Variants in AKR1B1 observed in about 807,000 individuals in gnomAD.
AKR1B1 encodes the protein aldo-keto reductase family 1 member B.
In AKR1B1, 22 loss-of-function variants were observed where a neutral mutation model predicts 40.4. The observed-to-expected ratio is 0.54, with a 90% CI of 0.39 to 0.78. The LOEUF (loss-of-function observed/expected upper bound fraction) is 0.78, where lower values mean the gene tolerates loss of function less well. Among genes scored for constraint, AKR1B1 ranks in the 30% least tolerant of loss-of-function variants. The pLI is 0.00. For synonymous variants in AKR1B1, 157 were observed against 149.9 expected (o/e 1.05, Z -0.35); for missense variants, 357 against 396.7 (o/e 0.90, Z 0.85).
intron 1 of AKR1B1, among the ~76,000 whole-genome samples, chr7:134,452,487 T>C (rs943743423): frequency 1.1e-4 from 17 of 152,160 alleles, no homozygotes; most frequent in African/African-American, 4.1e-4. Flanking sequence ...AATGACTGAA[T>C]GGGTGTCCAT....
rs147442012 is a variant in AKR1B1 at position 134,447,320 on chromosome 7, T to C, written c.803A>G (p.Glu268Gly). ...TACCTTAAAGTTCTCAGCAATGCGT[T>C]CTGGTGTCACAGACTTGGGGATCAC... is the stretch of plus-strand genomic sequence containing the variant. ...LVVIPKSVTP[E>G]RIAENFKVFD... Residue 268 changes from glutamate (E) to glycine (G), a missense_variant, in exon 8 of 10, where the codon GAA (glutamate) becomes GGA (glycine). Coordinates refer to ENST00000285930, the MANE Select transcript of AKR1B1 (RefSeq NM_001628.4). 2.6e-5 allele frequency: 42 copies of C among 1,614,122 alleles called. No individual in the cohort carries two copies. The African/African-American group carries it at 4.4e-4, about 17-fold the overall frequency.
At chr7:134,452,105 A>C (rs774211088) in intron 1 of AKR1B1, among the ~76,000 whole-genome samples, 5 of 152,226 alleles carry the variant, frequency 3.3e-5, no homozygotes, top group Non-Finnish European at 5.9e-5. Flanking sequence ...TGAGATAGTA[A>C]GGGAAACCAT....
rs759446303 is a variant in AKR1B1, at chr7:134,449,813, AAAAC to A, written c.352-20_352-17del. 10 of 1,608,234 alleles carry A rather than the reference AAAAC, an allele frequency of 6.2e-6. No homozygotes were observed. Among genetic ancestry groups the A allele is most frequent in the Admixed American group, 1.7e-5 (1 of 60,012 alleles). ...CCTTCCCAGGCTGTCATTACAATAA[AAAAC>A]AAACAAACAAAACAATCAGTAATAG... On this transcript the variant is annotated splice_polypyrimidine_tract_variant and intron_variant, in intron 3 of 9. Coordinates refer to ENST00000285930, the MANE Select transcript of AKR1B1 (RefSeq NM_001628.4).
chr7:134,451,208 C>T (rs371898403), intron 2 of AKR1B1: 7 of 544,172 alleles, frequency 1.3e-5, no homozygotes, highest in East Asian at 1.0e-4. Flanking sequence ...TGGAGCCAGC[C>T]CCATCCTCCT....
intron 4 of AKR1B1, chr7:134,449,456 G>A (rs574674524): frequency 7.2e-5 from 41 of 571,156 alleles, no homozygotes; most frequent in South Asian, 1.0e-4. Flanking sequence ...GCGTGGTGGC[G>A]GGCACCTGTA....
intron 9 of AKR1B1, 105 bp downstream of exon 9, chr7:134,445,133 C>T (rs1806054781): frequency 1.0e-6 from 1 of 1,002,072 alleles, no homozygotes. Context: ...GCAAGAACAG[C>T]TGTGACGAGA....
At chr7:134,458,001 A>G (rs775474145) in intron 1 of AKR1B1, among the ~76,000 whole-genome samples, 3 of 152,162 alleles carry the variant, frequency 2.0e-5, no homozygotes, top group Admixed American at 6.5e-5. Flanking sequence ...TCACAAACAA[A>G]CAAGCAAACA....
rs969178429 is a variant in AKR1B1, at chr7:134,448,140, C to T, written c.660-79G>A. On this transcript the variant is annotated intron_variant, in intron 6 of 9. Coordinates refer to ENST00000285930, the MANE Select transcript of AKR1B1 (RefSeq NM_001628.4). ...GCCAGAAACCCCAACCCTAATCCTC[C>T]CATCGACCTCAGAGGGCAGCCACCA... is the stretch of plus-strand genomic sequence containing the variant. The T allele has an allele frequency of 2.4e-5, 30 of 1,243,718 alleles. No individual in the cohort carries two copies. The African/African-American group carries it at 3.0e-4, about 12-fold the overall frequency. 77.0% of individuals were successfully genotyped at this position (1,243,718 alleles called of 1,614,324 possible). A position where few individuals can be genotyped will look rare whatever the true frequency, so the allele number is the denominator to read the frequency against.
chr7:134,442,520 A>C lies in AKR1B1; in HGVS notation c.*208T>G. The C allele has an allele frequency of 7.1e-6, 4 of 561,562 alleles. No individual in the cohort carries two copies. The highest frequency in any genetic ancestry group is 1.3e-5 in the Non-Finnish European group (4 of 311,908). 34.8% of individuals were successfully genotyped at this position (561,562 alleles called of 1,614,324 possible). ...GGTTGTACTTTCCCCAGCAGGGTAG[A>C]AAGAAGGGCAAAGCAAACTGGAAGA... On this transcript the variant is annotated 3_prime_UTR_variant, in exon 10 of 10. Coordinates refer to ENST00000285930, the MANE Select transcript of AKR1B1 (RefSeq NM_001628.4).
chr7:134,447,271 G>A (rs781007800), intron 8 of AKR1B1, 27 bp downstream of exon 8: 6 of 1,602,664 alleles, frequency 3.7e-6, no homozygotes, highest in South Asian at 1.1e-5. Context: ...ATGGAGGAGG[G>A]CCAGGCCTGA....
In AKR1B1 at chr7:134,450,583, G is replaced by T. The variant is rs187044908; in HGVS notation, c.351+203C>A. Among the ~76,000 whole-genome samples the T allele has an allele frequency of 1.1e-4, 16 of 152,340 alleles. No individual in the cohort carries two copies. In the East Asian group the frequency reaches 2.9e-3, roughly 28 times the overall value. ...AGTGTGCGTATGAGTCACTGCTGGT[G>T]CGGATTCAAATGGCCTGCGTGGGGC... is the stretch of plus-strand genomic sequence containing the variant. On this transcript the variant is annotated intron_variant, in intron 3 of 9. Coordinates refer to ENST00000285930, the MANE Select transcript of AKR1B1 (RefSeq NM_001628.4).
intron 7 of AKR1B1, 197 bp from the exon 8 acceptor site, chr7:134,447,578 C>T (rs111774570): frequency 3.2e-5 from 21 of 663,472 alleles, no homozygotes; most frequent in South Asian, 1.5e-4. Context: ...CAGAGTCCTG[C>T]GCTAGCCACT....
chr7:134,445,694 AAATAACT>A (rs1806070861), intron 8 of AKR1B1, among the ~76,000 whole-genome samples: 1 of 152,252 alleles, frequency 6.6e-6, no homozygotes, highest in African/African-American at 2.4e-5. Flanking sequence ...ACTGTAATAC[AAATAACT>A]AATCACACAC....
intron 7 of AKR1B1, chr7:134,447,750 C>A (rs1204072983): frequency 3.1e-6 from 2 of 640,826 alleles, no homozygotes; most frequent in African/African-American, 1.8e-5. Flanking sequence ...AAGCGCTGGC[C>A]CTCGTGGCAG....
At chr7:134,455,571 G>A (rs748545817) in intron 1 of AKR1B1, among the ~76,000 whole-genome samples, 1 of 152,068 alleles carries the variant, frequency 6.6e-6, no homozygotes, top group Non-Finnish European at 1.5e-5. Flanking sequence ...TGCTGTGATG[G>A]GTTTTTGTTG....
At chr7:134,451,236 C>A in intron 2 of AKR1B1, 1 of 524,374 alleles carries the variant, frequency 1.9e-6, no homozygotes, top group Non-Finnish European at 3.5e-6. Flanking sequence ...GTCCTTTGTG[C>A]ATCAGTATCT....
chr7:134,442,516 G>A lies in AKR1B1; in HGVS notation c.*212C>T. On this transcript the variant is annotated 3_prime_UTR_variant, in exon 10 of 10. Transcript: ENST00000285930. ...TTCAGGTTGTACTTTCCCCAGCAGG[G>A]TAGAAAGAAGGGCAAAGCAAACTGG... is the stretch of plus-strand genomic sequence containing the variant. 3.6e-6 allele frequency: 2 copies of A among 556,490 alleles called. No homozygotes were observed. Among genetic ancestry groups the A allele is most frequent in the South Asian group, 4.4e-5 (2 of 45,556 alleles). The allele number at this position is 556,490 out of a possible 1,614,324, so 34.5% of individuals were successfully genotyped here.
intron 1 of AKR1B1, among the ~76,000 whole-genome samples, chr7:134,452,247 A>G (rs943671266): frequency 2.6e-5 from 4 of 152,162 alleles, no homozygotes; most frequent in South Asian, 2.1e-4. Context: ...TGATACCGGC[A>G]GTCGCTTGTT....
intron 1 of AKR1B1, among the ~76,000 whole-genome samples, chr7:134,458,693 A>G (rs1258352605): frequency 6.6e-6 from 1 of 152,078 alleles, no homozygotes; most frequent in Non-Finnish European, 1.5e-5. Context: ...AGGACCCAAA[A>G]TGCGGACTGG....
Sources: allele counts gnomAD v4.1 joint callset (sites outside exome capture counted in the v4.1 genomes callset), GRCh38; gene constraint gnomAD v4.1.1; transcripts MANE v1.5; gene names NCBI Gene and HGNC (gene_info 2026-07-23, HGNC 2026-07-21).